Variants in C7orf33 observed in about 807,000 individuals in gnomAD.
The protein encoded by C7orf33 is uncharacterized protein C7orf33.
In C7orf33, 15 loss-of-function variants were observed where a neutral mutation model predicts 13.4. The observed-to-expected ratio is 1.12, with a 90% CI of 0.75 to 1.72. The LOEUF is 1.72. Ranked by LOEUF, C7orf33 falls within the 40% of genes most tolerant of loss-of-function variation. C7orf33 has a pLI of 0.00. For missense variants in C7orf33, 187 were observed against 220.3 expected, an observed-to-expected ratio of 0.85 and a Z score of 0.96; for synonymous variants, 73 against 83.2, an observed-to-expected ratio of 0.88 and a Z score of 0.67.
intron 1 of C7orf33, among the ~76,000 whole-genome samples, chr7:148,613,716 A>G (rs1323510247): frequency 6.6e-6 from 1 of 152,204 alleles, no homozygotes; most frequent in African/African-American, 2.4e-5. Flanking sequence ...GGATGATGAA[A>G]AAGTTCTAAA....
chr7:148,614,074 G>C lies in C7orf33; in HGVS notation c.237G>C (p.Gly79=). ...KPNPHQNMNR[G]MEFIAPVSAP... ...ACCCACACCAAAACATGAACCGGGG[G>C]ATGGAATTTATTGCTCCTGTATCAG... Residue 79 remains glycine, a synonymous_variant, in exon 2 of 3, where the codon GGG becomes GGC. Coordinates refer to ENST00000307003, the MANE Select transcript of C7orf33 (RefSeq NM_145304.4). The C allele has an allele frequency of 6.2e-7, 1 of 1,614,130 alleles. No individual in the cohort carries two copies. The highest frequency in any genetic ancestry group is 1.1e-5 in the South Asian group (1 of 91,072).
Position 148,614,078 on chromosome 7 carries a change from GAATTT to G in C7orf33, c.243_247del (p.Glu81AspfsTer76), listed in dbSNP as rs1796575376. ...ACACCAAAACATGAACCGGGGGATG[GAATTT>G]ATTGCTCCTGTATCAGCTCCCACCA... On this transcript the variant is annotated frameshift_variant, in exon 2 of 3. Transcript: ENST00000307003. LOFTEE classifies it high-confidence loss of function. 2 of 1,614,158 alleles carry G rather than the reference GAATTT, an allele frequency of 1.2e-6. No homozygotes were observed. The highest frequency in any genetic ancestry group is 2.2e-5 in the South Asian group (2 of 91,076).
intron 1 of C7orf33, among the ~76,000 whole-genome samples, chr7:148,606,968 AAAAC>A (rs1351955912): frequency 6.6e-6 from 1 of 151,050 alleles, no homozygotes; most frequent in African/African-American, 2.4e-5. Flanking sequence ...ACACACGAGA[AAAAC>A]AAGTTTATTT....
At position 148,592,663 on chromosome 7, in the gene C7orf33, C is replaced by T. The variant is rs534446623; in HGVS notation, c.204+1534C>T. Among the ~76,000 whole-genome samples, 12 of 151,626 alleles carry T rather than the reference C, an allele frequency of 7.9e-5. No individual in the cohort carries two copies. The South Asian group carries it at 1.0e-3, about 13-fold the overall frequency. On this transcript the variant is annotated intron_variant, in intron 1 of 2. Coordinates refer to ENST00000307003, the MANE Select transcript of C7orf33 (RefSeq NM_145304.4). ...CCAAGTAGCTGGGATTACAGGTGCA[C>T]GCCACCATGCCCAGCTAATTTTTGT...
intron 2 of C7orf33, among the ~76,000 whole-genome samples, chr7:148,614,681 G>A (rs1303341755): frequency 6.6e-6 from 1 of 152,220 alleles, no homozygotes; most frequent in Non-Finnish European, 1.5e-5. Flanking sequence ...TCTACAGGAA[G>A]CTATGGCTTC....
intron 1 of C7orf33, among the ~76,000 whole-genome samples, chr7:148,608,430 G>T (rs1242453992): frequency 6.7e-6 from 1 of 150,016 alleles, no homozygotes; most frequent in Admixed American, 6.6e-5. Flanking sequence ...ACTGCATCTC[G>T]AAATAATAAT....
intron 1 of C7orf33, among the ~76,000 whole-genome samples, chr7:148,607,559 A>G (rs1320958201): frequency 6.6e-6 from 1 of 152,232 alleles, no homozygotes; most frequent in Non-Finnish European, 1.5e-5. Flanking sequence ...ATGCCACTAC[A>G]GGACTTCAGA....
rs563700683 is a variant in C7orf33, at chr7:148,591,379, T to C, written c.204+250T>C. ...ATTCTTGTGTTTAGCCTGAGTCATG[T>C]TGATTTGAAAAATTCCAGCGTAAAA... is the stretch of plus-strand genomic sequence containing the variant. On this transcript the variant is annotated intron_variant, in intron 1 of 2. Coordinates refer to ENST00000307003, the MANE Select transcript of C7orf33 (RefSeq NM_145304.4). Among the ~76,000 whole-genome samples, 7 of 152,332 alleles carry C rather than the reference T, an allele frequency of 4.6e-5. No individual in the cohort carries two copies. In the South Asian group the frequency reaches 1.4e-3, roughly 32 times the overall value.
At chr7:148,606,565 A>G (rs756863867) in intron 1 of C7orf33, among the ~76,000 whole-genome samples, 2 of 152,146 alleles carry the variant, frequency 1.3e-5, no homozygotes, top group African/African-American at 4.8e-5. Flanking sequence ...TGTTTCCTCA[A>G]TCCTCATAGG....
chr7:148,603,247 C>T (rs919490529), intron 1 of C7orf33, among the ~76,000 whole-genome samples: 2 of 152,064 alleles, frequency 1.3e-5, no homozygotes, highest in African/African-American at 4.8e-5. Flanking sequence ...TGGGGGAAAT[C>T]TCAGAAGAGC....
chr7:148,601,988 A>T (rs1401584871), intron 1 of C7orf33, among the ~76,000 whole-genome samples: 1 of 151,992 alleles, frequency 6.6e-6, no homozygotes, highest in Non-Finnish European at 1.5e-5. Context: ...GCCTCAAGCG[A>T]TCCTCCTCCC....
In C7orf33 at chr7:148,615,653, G is replaced by T. The variant is rs1354388337; in HGVS notation, c.*252G>T. On this transcript the variant is annotated 3_prime_UTR_variant, in exon 3 of 3. Transcript: ENST00000307003. ...GGTGTGGGGCCCAGGAGAGGACCAC[G>T]GAGTGACAAGCCACCAGGTTCTAAA... 5.2e-6 allele frequency: 2 copies of T among 387,870 alleles called. No homozygotes were observed. The highest frequency in any genetic ancestry group is 9.7e-6 in the Non-Finnish European group (2 of 207,134). The allele number at this position is 387,870 out of a possible 1,614,324, so 24.0% of individuals were successfully genotyped here.
intron 1 of C7orf33, among the ~76,000 whole-genome samples, chr7:148,609,363 T>A (rs1796510946): frequency 6.6e-6 from 1 of 152,194 alleles, no homozygotes. Context: ...AGGAAAACAA[T>A]GGCAGGGCAT....
In C7orf33 at chr7:148,611,047, G is replaced by A. The variant is rs144973617; in HGVS notation, c.205-2995G>A. Among the ~76,000 whole-genome samples the A allele has an allele frequency of 2.6e-3, 402 of 152,282 alleles. 1 individual carries two copies. Among genetic ancestry groups the A allele is most frequent in the African/African-American group, 8.5e-3 (352 of 41,560 alleles). ...AGATGACAGAGTGAGAGGAAAGAGA[G>A]TTGGAGGTATGATTCCTCCAGCGTG... On this transcript the variant is annotated intron_variant, in intron 1 of 2. Coordinates refer to ENST00000307003, the MANE Select transcript of C7orf33 (RefSeq NM_145304.4).
At chr7:148,596,744 A>C (rs527993194) in intron 1 of C7orf33, among the ~76,000 whole-genome samples, 1 of 152,096 alleles carries the variant, frequency 6.6e-6, no homozygotes, top group Non-Finnish European at 1.5e-5. Context: ...TGGGGACACA[A>C]CCAAACCATA....
At chr7:148,598,487 C>T (rs894094775) in intron 1 of C7orf33, among the ~76,000 whole-genome samples, 4 of 151,870 alleles carry the variant, frequency 2.6e-5, no homozygotes, top group African/African-American at 4.8e-5. Flanking sequence ...AACCAATGCC[C>T]TGCTTCCTTA....
At chr7:148,607,337 C>A (rs1198480286) in intron 1 of C7orf33, among the ~76,000 whole-genome samples, 2 of 152,162 alleles carry the variant, frequency 1.3e-5, no homozygotes, top group African/African-American at 4.8e-5. Context: ...TGTCTTTTAT[C>A]TTGTAAATCT....
chr7:148,597,189 C>CAT (rs1796349904), intron 1 of C7orf33, among the ~76,000 whole-genome samples: 2 of 151,068 alleles, frequency 1.3e-5, no homozygotes, highest in South Asian at 2.1e-4. Flanking sequence ...TATATATACA[C>CAT]ATATATATAA....
At chr7:148,603,204 A>AT (rs1411853094) in intron 1 of C7orf33, among the ~76,000 whole-genome samples, 1 of 152,190 alleles carries the variant, frequency 6.6e-6, no homozygotes, top group Non-Finnish European at 1.5e-5. Flanking sequence ...CAAATAAAAC[A>AT]TCACACCCAG....
Sources: gnomAD v4.1 joint callset for allele counts (sites outside exome capture counted in the v4.1 genomes callset) on GRCh38, gnomAD v4.1.1 for gene constraint, MANE v1.5 for transcripts, NCBI Gene and HGNC (gene_info 2026-07-23, HGNC 2026-07-21) for gene names.